PTCHD4: variants seen among roughly 807,000 people sequenced by gnomAD.
The protein encoded by PTCHD4 is patched domain containing 4.
PTCHD4 carries 33 observed loss-of-function variants against 58.1 expected under a neutral mutation model. That is an observed-to-expected ratio of 0.57 (90% CI 0.43 to 0.76). The LOEUF (loss-of-function observed/expected upper bound fraction) is 0.76, where lower values mean the gene tolerates loss of function less well. Among genes scored for constraint, PTCHD4 ranks in the 30% least tolerant of loss-of-function variants. PTCHD4 has a pLI of 0.00. For synonymous variants in PTCHD4, 478 were observed against 409.6 expected, an observed-to-expected ratio of 1.17 and a Z score of -2.02; for missense variants, 1,058 against 1,027.1, an observed-to-expected ratio of 1.03 and a Z score of -0.41.
At chr6:48,046,765 A>G (rs1764049131) in intron 3 of PTCHD4, among the ~76,000 whole-genome samples, 1 of 151,912 alleles carries the variant, frequency 6.6e-6, no homozygotes, top group Non-Finnish European at 1.5e-5. Flanking sequence ...TAAAATGCAC[A>G]TAAAATAAAG....
chr6:47,929,440 T>C lies in PTCHD4; in HGVS notation c.899-49504A>G, dbSNP rs1462412806. Among the ~76,000 whole-genome samples the C allele has an allele frequency of 2.6e-5, 4 of 152,334 alleles. No individual in the cohort carries two copies. In the East Asian group the frequency reaches 7.7e-4, roughly 29 times the overall value. ...GTATCTGATAAGCTCAAAGGGATGC[T>C]TCTGTAGCACTGCAATTCTTCCCTC... On this transcript the variant is annotated intron_variant, in intron 4 of 4. Coordinates refer to ENST00000339488, the MANE Select transcript of PTCHD4 (RefSeq NM_001384253.1).
At chr6:47,908,833 A>C (rs1195788565) in intron 4 of PTCHD4, among the ~76,000 whole-genome samples, 1 of 152,154 alleles carries the variant, frequency 6.6e-6, no homozygotes, top group Non-Finnish European at 1.5e-5. Context: ...TATTCATTTT[A>C]ATAAAATTCT....
At chr6:48,059,837 C>T (rs1018368747) in intron 3 of PTCHD4, among the ~76,000 whole-genome samples, 10 of 152,128 alleles carry the variant, frequency 6.6e-5, no homozygotes, top group Non-Finnish European at 1.2e-4. Context: ...TAGGGCACCA[C>T]GTCCTTTCCA....
At chr6:47,917,967 G>T (rs554547285) in intron 4 of PTCHD4, among the ~76,000 whole-genome samples, 1 of 152,278 alleles carries the variant, frequency 6.6e-6, no homozygotes, top group Admixed American at 6.5e-5. Context: ...AGAGCTTAGA[G>T]GTGGCGGGGG....
At chr6:47,898,862 G>A (rs1275889788) in intron 4 of PTCHD4, among the ~76,000 whole-genome samples, 4 of 152,162 alleles carry the variant, frequency 2.6e-5, no homozygotes, top group African/African-American at 9.7e-5. Context: ...AGAAGCAAGT[G>A]TCCTTTCTTT....
In PTCHD4 at chr6:47,877,446, A is replaced by G. The variant is rs1437242255; in HGVS notation, c.*857T>C. On this transcript the variant is annotated 3_prime_UTR_variant, in exon 5 of 5. Transcript: ENST00000339488. ...TCCATATCAACTGTTTATTTCTAAT[A>G]TGAAACAGTAAACCTTGTCCATGTG... 6.6e-6 allele frequency among the ~76,000 whole-genome samples: 1 copy of G among 152,102 alleles called. No individual in the cohort carries two copies. Among genetic ancestry groups the G allele is most frequent in the Non-Finnish European group, 1.5e-5 (1 of 67,982 alleles).
At chr6:48,093,114 A>T (rs778796701) in intron 1 of PTCHD4, among the ~76,000 whole-genome samples, 1 of 152,026 alleles carries the variant, frequency 6.6e-6, no homozygotes, top group Non-Finnish European at 1.5e-5. Flanking sequence ...CTAGTATAAA[A>T]CCTTTCATCT....
At chr6:47,992,962 G>A (rs1229054108) in intron 4 of PTCHD4, among the ~76,000 whole-genome samples, 2 of 152,150 alleles carry the variant, frequency 1.3e-5, no homozygotes, top group East Asian at 3.9e-4. Context: ...GTGCTGAAAA[G>A]GACTTCAGGG....
chr6:47,902,011 A>G (rs1206833977), intron 4 of PTCHD4: 2 of 968,696 alleles, frequency 2.1e-6, no homozygotes, highest in Non-Finnish European at 1.5e-6. Context: ...CCCACTTAGT[A>G]TAGTAAAAAC....
At chr6:48,085,176 A>G (rs1765239612) in intron 1 of PTCHD4, among the ~76,000 whole-genome samples, 1 of 152,132 alleles carries the variant, frequency 6.6e-6, no homozygotes, top group South Asian at 2.1e-4. Context: ...GGATTCAAAT[A>G]TTTTCTGCAA....
rs549896208 is a variant in PTCHD4 at position 48,067,014 on chromosome 6, A to G, written c.417+1216T>C. On this transcript the variant is annotated intron_variant, in intron 3 of 4. Coordinates refer to ENST00000339488, the MANE Select transcript of PTCHD4 (RefSeq NM_001384253.1). Reference sequence around the variant, plus strand: ...AAACTGGGGTCCTTTCTATTCCACTATCTCCACAGATGCACACACATATCT... The same window carrying G: ...AAACTGGGGTCCTTTCTATTCCACTGTCTCCACAGATGCACACACATATCT... 7.9e-5 allele frequency among the ~76,000 whole-genome samples: 12 copies of G among 152,102 alleles called. No homozygotes were observed. In the East Asian group the frequency reaches 9.7e-4, roughly 12 times the overall value.
chr6:47,961,103 C>A (rs1395575975), intron 4 of PTCHD4, among the ~76,000 whole-genome samples: 1 of 151,336 alleles, frequency 6.6e-6, no homozygotes, highest in Non-Finnish European at 1.5e-5. Context: ...ATCAAACAGT[C>A]TTAATAAATT....
At chr6:48,005,263 C>T (rs1017520937) in intron 4 of PTCHD4, among the ~76,000 whole-genome samples, 5 of 152,142 alleles carry the variant, frequency 3.3e-5, no homozygotes, top group Non-Finnish European at 7.4e-5. Context: ...ACAGTATCAG[C>T]GACACACCCA....
chr6:47,876,106 C>T lies in PTCHD4; in HGVS notation c.*2197G>A, dbSNP rs1232165073. ...CTCCCACCCAAACAAAAAATCAAAA[C>T]CCAACCAAAAACCTCCTCTGAAACT... On this transcript the variant is annotated 3_prime_UTR_variant, in exon 5 of 5. Transcript: ENST00000339488. Among the ~76,000 whole-genome samples the T allele has an allele frequency of 2.0e-5, 3 of 151,216 alleles. No individual in the cohort carries two copies. Among genetic ancestry groups the T allele is most frequent in the African/African-American group, 7.3e-5 (3 of 41,176 alleles).
intron 4 of PTCHD4, among the ~76,000 whole-genome samples, chr6:48,004,428 C>T (rs1270260691): frequency 6.6e-6 from 1 of 152,062 alleles, no homozygotes; most frequent in Non-Finnish European, 1.5e-5. Flanking sequence ...CAGAATGAGC[C>T]AGCTTGGCAT....
At chr6:47,898,466 G>C (rs1581845710) in intron 4 of PTCHD4, among the ~76,000 whole-genome samples, 1 of 152,082 alleles carries the variant, frequency 6.6e-6, no homozygotes, top group East Asian at 1.9e-4. Flanking sequence ...AACATATACT[G>C]TGTTTAGGAA....
intron 4 of PTCHD4, among the ~76,000 whole-genome samples, chr6:47,989,129 A>G (rs1334219380): frequency 6.6e-6 from 1 of 152,208 alleles, no homozygotes; most frequent in East Asian, 1.9e-4. Context: ...TAGCAAACAG[A>G]CTGGCAGTAT....
intron 1 of PTCHD4, among the ~76,000 whole-genome samples, chr6:48,101,198 A>G (rs1214342574): frequency 6.6e-6 from 1 of 152,188 alleles, no homozygotes; most frequent in Non-Finnish European, 1.5e-5. Context: ...GAAAAAAAAT[A>G]TCTAGTAAAA....
At chr6:47,929,922 A>T (rs535302077) in intron 4 of PTCHD4, among the ~76,000 whole-genome samples, 1 of 152,342 alleles carries the variant, frequency 6.6e-6, no homozygotes, top group East Asian at 1.9e-4. Flanking sequence ...AGAAGCAGTG[A>T]CACCTGCTCT....
Sources: allele counts gnomAD v4.1 joint callset (sites outside exome capture counted in the v4.1 genomes callset), GRCh38; gene constraint gnomAD v4.1.1; transcripts MANE v1.5; gene names NCBI Gene and HGNC (gene_info 2026-07-23, HGNC 2026-07-21).